The following TANC2 variants were observed in gnomAD, a reference collection of about 807,000 sequenced individuals.
The protein encoded by TANC2 is protein TANC2.
A neutral mutation model predicts 210.5 loss-of-function variants in TANC2; 26 were observed. The observed-to-expected ratio is 0.12, with a 90% CI of 0.09 to 0.17. The LOEUF (loss-of-function observed/expected upper bound fraction) is 0.17, where lower values mean the gene tolerates loss of function less well. Ranked by LOEUF, TANC2 falls within the 10% of genes least tolerant of loss-of-function variation. TANC2 has a pLI of 1.00. For missense variants in TANC2, 2,129 were observed against 2,608.9 expected (o/e 0.82, Z 4.01); for synonymous variants, 931 against 967.1 (o/e 0.96, Z 0.69).
At chr17:62,976,311 T>C (rs1354988394) in intron 1 of TANC2, among the ~76,000 whole-genome samples, 1 of 152,196 alleles carries the variant, frequency 6.6e-6, no homozygotes. Context: ...CAAATATCTT[T>C]TTTTGTGAAT....
chr17:63,316,533 A>G (rs2045319001), intron 10 of TANC2, among the ~76,000 whole-genome samples: 1 of 152,182 alleles, frequency 6.6e-6, no homozygotes, highest in Admixed American at 6.5e-5. Flanking sequence ...TCTAACATCC[A>G]TTGCCTTCAG....
intron 7 of TANC2, among the ~76,000 whole-genome samples, chr17:63,213,804 C>T (rs1413062739): frequency 1.3e-5 from 2 of 152,166 alleles, no homozygotes; most frequent in Non-Finnish European, 2.9e-5. Flanking sequence ...AATATGATAA[C>T]TTAATAATGA....
At chr17:63,161,024 G>A (rs1365472213) in intron 5 of TANC2, among the ~76,000 whole-genome samples, 1 of 152,172 alleles carries the variant, frequency 6.6e-6, no homozygotes, top group Admixed American at 6.6e-5. Flanking sequence ...AGGATGTAGA[G>A]GAGTGGTAAG....
At chr17:63,419,423 G>A (rs140538549) in intron 27 of TANC2, among the ~76,000 whole-genome samples, 22 of 152,260 alleles carry the variant, frequency 1.4e-4, no homozygotes, top group African/African-American at 4.3e-4. Context: ...CTCCAGCCCC[G>A]AGTGACCTAG....
chr17:63,029,751 G>T (rs1020112648), intron 2 of TANC2, among the ~76,000 whole-genome samples: 1 of 152,136 alleles, frequency 6.6e-6, no homozygotes, highest in Non-Finnish European at 1.5e-5. Flanking sequence ...TCTAATAAAG[G>T]AGAGAGATTT....
At chr17:63,302,921 G>A (rs559643536) in intron 9 of TANC2, among the ~76,000 whole-genome samples, 17 of 151,952 alleles carry the variant, frequency 1.1e-4, no homozygotes, top group Non-Finnish European at 2.2e-4. Flanking sequence ...GCGCCACCAT[G>A]CCTGGCTAAT....
intron 14 of TANC2, among the ~76,000 whole-genome samples, chr17:63,371,164 A>ACAGAATAT (rs2047256688): frequency 6.6e-6 from 1 of 152,010 alleles, no homozygotes; most frequent in African/African-American, 2.4e-5. Flanking sequence ...TGACCCTCAC[A>ACAGAATAT]CAGAATATCA....
intron 19 of TANC2, among the ~76,000 whole-genome samples, chr17:63,400,241 A>G (rs567784702): frequency 6.6e-6 from 1 of 152,358 alleles, no homozygotes; most frequent in South Asian, 2.1e-4. Flanking sequence ...TCGTGTCCCC[A>G]TGGTGATAAT....
intron 7 of TANC2, among the ~76,000 whole-genome samples, chr17:63,212,341 TC>T (rs1486076777): frequency 6.6e-6 from 1 of 152,154 alleles, no homozygotes; most frequent in Admixed American, 6.6e-5. Context: ...CTGAGCTTCT[TC>T]CTGTGTTCTT....
intron 5 of TANC2, among the ~76,000 whole-genome samples, chr17:63,165,500 C>G (rs933180386): frequency 7.9e-5 from 12 of 152,164 alleles, no homozygotes; most frequent in Non-Finnish European, 1.5e-4. Flanking sequence ...CCCTGCTGCC[C>G]TTCTTATAAC....
At position 63,297,830 on chromosome 17, in the gene TANC2, C is replaced by T. The variant is rs548734625; in HGVS notation, c.1160-16558C>T. Among the ~76,000 whole-genome samples the T allele has an allele frequency of 1.1e-3, 166 of 151,650 alleles. 1 individual carries two copies. The highest frequency in any genetic ancestry group is 1.9e-3 in the Non-Finnish European group (128 of 67,872). On this transcript the variant is annotated intron_variant, in intron 9 of 27. Coordinates refer to ENST00000689528, the Ensembl canonical transcript of TANC2. Reference sequence around the variant, plus strand: ...CATGTATCTGATAAGGGTCTAGTATCCAGAATATATTAAAAAAACTCCTAC... The same window carrying T: ...CATGTATCTGATAAGGGTCTAGTATTCAGAATATATTAAAAAAACTCCTAC...
At chr17:62,996,335 G>A (rs1002773723) in intron 1 of TANC2, among the ~76,000 whole-genome samples, 2 of 152,164 alleles carry the variant, frequency 1.3e-5, no homozygotes, top group South Asian at 4.1e-4. Context: ...TTAGGAGTAC[G>A]CGCCTGTAGC....
chr17:63,043,572 A>G (rs922861143), intron 2 of TANC2, among the ~76,000 whole-genome samples: 1 of 152,142 alleles, frequency 6.6e-6, no homozygotes. Context: ...GTACTCATGT[A>G]CTTTGAACTC....
chr17:63,379,813 C>T (rs1429894558), exon 15 of TANC2: 1 of 1,610,740 alleles, frequency 6.2e-7, no homozygotes, highest in Non-Finnish European at 8.5e-7. Flanking sequence ...ATCCTCAAAG[C>T]ACACATTTTT....
intron 3 of TANC2, among the ~76,000 whole-genome samples, chr17:63,091,468 A>C (rs1000489156): frequency 6.6e-6 from 1 of 152,176 alleles, no homozygotes; most frequent in Non-Finnish European, 1.5e-5. Context: ...TAAATAGGGA[A>C]TCCTTCCCCC....
chr17:62,999,489 G>C (rs2033270575), intron 1 of TANC2, among the ~76,000 whole-genome samples: 2 of 152,174 alleles, frequency 1.3e-5, no homozygotes, highest in South Asian at 4.1e-4. Flanking sequence ...CAGTTCAACA[G>C]GAAGACCTAA....
intron 14 of TANC2, among the ~76,000 whole-genome samples, chr17:63,358,372 A>AGTGT (rs1377701936): frequency 4.7e-4 from 54 of 114,994 alleles, no homozygotes; most frequent in African/African-American, 2.1e-3. Context: ...AGAGAGAGAG[A>AGTGT]GAGAGTATGT....
At chr17:63,063,531 C>CGTGTGTGTGTGTGT (rs59132639) in intron 2 of TANC2, among the ~76,000 whole-genome samples, 3 of 108,224 alleles carry the variant, frequency 2.8e-5, no homozygotes, top group South Asian at 3.3e-4. Flanking sequence ...GGGACAAAGA[C>CGTGTGTGTGTGTGT]GTGTGTGTGT....
intron 7 of TANC2, among the ~76,000 whole-genome samples, chr17:63,219,074 C>A (rs905238789): frequency 2.6e-5 from 4 of 152,046 alleles, no homozygotes; most frequent in African/African-American, 9.7e-5. Flanking sequence ...ATGACCTGCA[C>A]AGTGAAAAGT....
Sources: allele counts gnomAD v4.1 joint callset (sites outside exome capture counted in the v4.1 genomes callset), GRCh38; gene constraint gnomAD v4.1.1; transcripts MANE v1.5; gene names NCBI Gene and HGNC (gene_info 2026-07-23, HGNC 2026-07-21).